Variants in MVB12B observed in about 807,000 individuals in gnomAD.
MVB12B encodes the protein ESCRT-I complex subunit MVB12B.
MVB12B carries 16 observed loss-of-function variants against 41.6 expected under a neutral mutation model. The observed-to-expected ratio is 0.38, with a 90% CI of 0.26 to 0.58. The LOEUF (loss-of-function observed/expected upper bound fraction) is 0.58, where lower values mean the gene tolerates loss of function less well. Among genes scored for constraint, MVB12B ranks in the 20% least tolerant of loss-of-function variants. MVB12B has a pLI of 0.62. For missense variants in MVB12B, 274 were observed against 380.2 expected, an observed-to-expected ratio of 0.72 and a Z score of 2.32; for synonymous variants, 133 against 139.7, an observed-to-expected ratio of 0.95 and a Z score of 0.34.
chr9:126,436,763 A>T lies in MVB12B; in HGVS notation c.757+14815A>T, dbSNP rs140405795. On this transcript the variant is annotated intron_variant, in intron 7 of 9. Transcript: ENST00000361171. This position sits in a 1 kb window ranked among gnomAD's most constrained non-coding sequence, Gnocchi z 4.1. ...CTGGCCCCTGCAGAGCCTAAGGGGC[A>T]CTCCACTCATGAGTCATGAACTAGT... Among the ~76,000 whole-genome samples, 1,039 of 152,252 alleles carry T rather than the reference A, an allele frequency of 6.8e-3. 5 individuals carry two copies. The highest frequency in any genetic ancestry group is 0.029 in the South Asian group (141 of 4,818).
chr9:126,409,652 A>G (rs1303263355), intron 6 of MVB12B, among the ~76,000 whole-genome samples: 1 of 152,136 alleles, frequency 6.6e-6, no homozygotes, highest in Non-Finnish European at 1.5e-5. Flanking sequence ...TTGCAACTCC[A>G]GTCACCAGCA....
intron 6 of MVB12B, among the ~76,000 whole-genome samples, chr9:126,421,107 T>C (rs1832002634): frequency 6.6e-6 from 1 of 152,220 alleles, no homozygotes; most frequent in African/African-American, 2.4e-5. Context: ...TAATTTTTCT[T>C]TTCAGCATTC....
chr9:126,402,494 A>G (rs1029061586), intron 6 of MVB12B, among the ~76,000 whole-genome samples: 1 of 151,984 alleles, frequency 6.6e-6, no homozygotes, highest in Non-Finnish European at 1.5e-5. Context: ...AAATACAAAA[A>G]TTAGCTGGGT....
intron 9 of MVB12B, among the ~76,000 whole-genome samples, chr9:126,498,786 G>GTGTT (rs1172444989): frequency 9.2e-5 from 14 of 152,232 alleles, no homozygotes; most frequent in Non-Finnish European, 1.6e-4. Context: ...GCCCTCTAGA[G>GTGTT]TGTTTAGTAT....
At chr9:126,399,576 G>A (rs916792942) in intron 6 of MVB12B, among the ~76,000 whole-genome samples, 11 of 152,296 alleles carry the variant, frequency 7.2e-5, no homozygotes, top group African/African-American at 2.4e-4. Context: ...TCACATGCAG[G>A]GCGTCACCTG....
At chr9:126,469,163 A>G (rs946546207) in intron 7 of MVB12B, among the ~76,000 whole-genome samples, 1 of 152,198 alleles carries the variant, frequency 6.6e-6, no homozygotes, top group Non-Finnish European at 1.5e-5. Context: ...GTGATAGAGC[A>G]AAAGTCCATG....
chr9:126,399,074 G>T (rs1224384997), intron 6 of MVB12B, among the ~76,000 whole-genome samples: 1 of 151,832 alleles, frequency 6.6e-6, no homozygotes, highest in African/African-American at 2.4e-5. Context: ...AAATGCTGTG[G>T]TGTCACCGGC....
chr9:126,416,330 A>G (rs939780206), intron 6 of MVB12B, among the ~76,000 whole-genome samples: 6 of 152,170 alleles, frequency 3.9e-5, no homozygotes, highest in African/African-American at 1.4e-4. Context: ...ACCCCTGCCA[A>G]AGGCCATGTG....
chr9:126,465,857 A>G (rs945810229), intron 7 of MVB12B, among the ~76,000 whole-genome samples: 1 of 152,130 alleles, frequency 6.6e-6, no homozygotes, highest in Non-Finnish European at 1.5e-5. Context: ...CCATTTCCAG[A>G]GGCTGTATAA....
rs115460653 is a variant in MVB12B, at chr9:126,461,019, A to G, written c.758-20350A>G. ...GCGATTTACAGGACTGGTGACTGTT[A>G]TGAGGTCTGGGGACAGGTCCCTGTT... On this transcript the variant is annotated intron_variant, in intron 7 of 9. Transcript: ENST00000361171. 1.8e-3 allele frequency among the ~76,000 whole-genome samples: 274 copies of G among 152,296 alleles called. 3 individuals are homozygous for G. The highest frequency in any genetic ancestry group is 6.2e-3 in the African/African-American group (257 of 41,544).
At chr9:126,453,712 G>T (rs571754887) in intron 7 of MVB12B, among the ~76,000 whole-genome samples, 2 of 152,312 alleles carry the variant, frequency 1.3e-5, no homozygotes, top group Admixed American at 6.5e-5. Flanking sequence ...ACACTCACGT[G>T]TGGCACACTC....
At chr9:126,469,596 C>T (rs749693308) in intron 7 of MVB12B, among the ~76,000 whole-genome samples, 14 of 152,342 alleles carry the variant, frequency 9.2e-5, no homozygotes, top group Middle Eastern at 3.4e-3. Flanking sequence ...AGTTACCCCC[C>T]GTGGCTGCAG....
intron 2 of MVB12B, among the ~76,000 whole-genome samples, chr9:126,368,487 C>T (rs1023128698): frequency 1.3e-5 from 2 of 151,940 alleles, no homozygotes; most frequent in Non-Finnish European, 2.9e-5. Context: ...CCTTGGATAC[C>T]GTGGTAGAGA....
intron 2 of MVB12B, among the ~76,000 whole-genome samples, chr9:126,351,848 A>G (rs902377875): frequency 1.1e-4 from 16 of 152,152 alleles, no homozygotes; most frequent in African/African-American, 3.9e-4. Flanking sequence ...ACTGTTTATC[A>G]AGTTGAGGGA....
At chr9:126,369,626 T>C (rs1306625078) in intron 2 of MVB12B, among the ~76,000 whole-genome samples, 3 of 152,192 alleles carry the variant, frequency 2.0e-5, no homozygotes, top group Admixed American at 6.5e-5. Flanking sequence ...GTCACACTTA[T>C]ATGTATTTTT....
intron 7 of MVB12B, among the ~76,000 whole-genome samples, chr9:126,441,084 C>T (rs1475329584): frequency 2.6e-5 from 4 of 152,202 alleles, no homozygotes; most frequent in Non-Finnish European, 4.4e-5. Flanking sequence ...TCATTAGTCA[C>T]GATGGGAGGT....
chr9:126,458,055 G>A (rs1387198976), intron 7 of MVB12B, among the ~76,000 whole-genome samples: 20 of 152,178 alleles, frequency 1.3e-4, no homozygotes, highest in Admixed American at 1.2e-3. Context: ...CAGTAGCCCT[G>A]CACTCTCCCT....
Position 126,473,670 on chromosome 9 carries a change from G to A in MVB12B, c.758-7699G>A, listed in dbSNP as rs1370860554. On this transcript the variant is annotated intron_variant, in intron 7 of 9. Transcript: ENST00000361171. This position sits in a 1 kb window ranked among gnomAD's most constrained non-coding sequence, Gnocchi z 4.0. Reference sequence around the variant, plus strand: ...AACCAGATCTCGCGAGGACTCACTCGCTATCACAAGGACAGCACCACGGGG... The same window carrying A: ...AACCAGATCTCGCGAGGACTCACTCACTATCACAAGGACAGCACCACGGGG... Among the ~76,000 whole-genome samples the A allele has an allele frequency of 6.6e-6, 1 of 152,160 alleles. No individual in the cohort carries two copies. The highest frequency in any genetic ancestry group is 1.9e-4 in the East Asian group (1 of 5,190).
At position 126,367,895 on chromosome 9, in the gene MVB12B, C is replaced by T. The variant is rs1221358704; in HGVS notation, c.205-13169C>T. On this transcript the variant is annotated intron_variant, in intron 2 of 9. Coordinates refer to ENST00000361171, the MANE Select transcript of MVB12B (RefSeq NM_033446.3). This position sits in a 1 kb window ranked among gnomAD's most constrained non-coding sequence, Gnocchi z 4.3. ...ATTCAGCTCACCTGGGAGCCATCCT[C>T]GGAGGGAGGGGAGGGAGTGCCTGAC... is the stretch of plus-strand genomic sequence containing the variant. Among the ~76,000 whole-genome samples the T allele has an allele frequency of 5.3e-5, 8 of 152,106 alleles. No individual in the cohort carries two copies. The highest frequency in any genetic ancestry group is 3.2e-3 in the Middle Eastern group (1 of 316).
Sources: gnomAD v4.1 joint callset for allele counts (sites outside exome capture counted in the v4.1 genomes callset) on GRCh38, gnomAD v4.1.1 for gene constraint, Gnocchi (gnomAD v3.1) non-coding constraint, MANE v1.5 for transcripts, NCBI Gene and HGNC (gene_info 2026-07-23, HGNC 2026-07-21) for gene names.